Variants in ADAMTSL1 observed in about 807,000 individuals in gnomAD.
ADAMTSL1 encodes ADAMTS-like protein 1.
In ADAMTSL1, 126 loss-of-function variants were observed where a neutral mutation model predicts 201.8. That is an observed-to-expected ratio of 0.62 (90% confidence interval 0.54 to 0.72). The LOEUF (loss-of-function observed/expected upper bound fraction) is 0.72. Among genes scored for constraint, ADAMTSL1 ranks in the 30% least tolerant of loss-of-function variants. The pLI is 0.00. For missense variants in ADAMTSL1, 2,679 were observed against 2,277.8 expected, an observed-to-expected ratio of 1.18 and a Z score of -3.59; for synonymous variants, 1,121 against 903.4, an observed-to-expected ratio of 1.24 and a Z score of -4.32.
intron 1 of ADAMTSL1, among the ~76,000 whole-genome samples, chr9:18,041,584 A>G (rs1387418980): frequency 6.6e-6 from 1 of 152,178 alleles, no homozygotes; most frequent in Non-Finnish European, 1.5e-5. Flanking sequence ...GGTGGAGGAC[A>G]GAATCATCAT....
intron 7 of ADAMTSL1, among the ~76,000 whole-genome samples, chr9:18,650,203 G>A (rs905495815): frequency 6.6e-6 from 1 of 152,212 alleles, no homozygotes; most frequent in East Asian, 1.9e-4. Context: ...GCCATGTGCG[G>A]GATATAATCT....
At chr9:18,874,766 T>A (rs963982545) in intron 23 of ADAMTSL1, among the ~76,000 whole-genome samples, 1 of 152,200 alleles carries the variant, frequency 6.6e-6, no homozygotes, top group Non-Finnish European at 1.5e-5. Flanking sequence ...GGTATTAGGA[T>A]GATACTGGCT....
chr9:18,331,334 CTG>C (rs1175838495), intron 2 of ADAMTSL1, among the ~76,000 whole-genome samples: 1 of 152,264 alleles, frequency 6.6e-6, no homozygotes, highest in East Asian at 1.9e-4. Flanking sequence ...TTGTTTAAAA[CTG>C]TATTTTAAAA....
chr9:18,024,899 C>A (rs1259317787), intron 1 of ADAMTSL1, among the ~76,000 whole-genome samples: 1 of 152,094 alleles, frequency 6.6e-6, no homozygotes, highest in African/African-American at 2.4e-5. Context: ...TATAAGCATT[C>A]CCTTTTCTCC....
intron 2 of ADAMTSL1, among the ~76,000 whole-genome samples, chr9:18,311,183 A>G (rs545461221): frequency 6.2e-4 from 94 of 152,000 alleles, no homozygotes; most frequent in South Asian, 2.9e-3. Context: ...GGAGGGGAAC[A>G]TCACATACTG....
At chr9:18,451,710 G>A (rs1331628787) in intron 2 of ADAMTSL1, among the ~76,000 whole-genome samples, 1 of 152,202 alleles carries the variant, frequency 6.6e-6, no homozygotes, top group Non-Finnish European at 1.5e-5. Flanking sequence ...AAAGGATGGA[G>A]ACTGTCTTAG....
chr9:18,604,851 G>T (rs1019029694), intron 4 of ADAMTSL1, among the ~76,000 whole-genome samples: 5 of 152,090 alleles, frequency 3.3e-5, no homozygotes, highest in Non-Finnish European at 7.4e-5. Flanking sequence ...TTTCTGCAGG[G>T]CTGCACCATT....
intron 1 of ADAMTSL1, among the ~76,000 whole-genome samples, chr9:17,953,710 T>C (rs1053210810): frequency 1.2e-4 from 19 of 152,174 alleles, no homozygotes; most frequent in African/African-American, 4.3e-4. Context: ...AAAAAGGATA[T>C]GCTTGTATGT....
chr9:17,947,844 T>C (rs952763651), intron 1 of ADAMTSL1, among the ~76,000 whole-genome samples: 2 of 152,168 alleles, frequency 1.3e-5, no homozygotes, highest in African/African-American at 4.8e-5. Flanking sequence ...ACAACTATTC[T>C]ACCTGAACGA....
intron 1 of ADAMTSL1, among the ~76,000 whole-genome samples, chr9:18,491,430 CA>C (rs1320783392): frequency 6.6e-6 from 1 of 152,126 alleles, no homozygotes; most frequent in Non-Finnish European, 1.5e-5. Context: ...TTGCTGGAAA[CA>C]AAAAGGTAAC....
chr9:18,027,867 G>A (rs1276561128), intron 1 of ADAMTSL1, among the ~76,000 whole-genome samples: 1 of 152,020 alleles, frequency 6.6e-6, no homozygotes, highest in East Asian at 1.9e-4. Flanking sequence ...AGGTATAGAA[G>A]TATTTGTTTT....
chr9:18,357,084 G>T (rs1456490737), intron 2 of ADAMTSL1, among the ~76,000 whole-genome samples: 2 of 152,122 alleles, frequency 1.3e-5, no homozygotes, highest in Non-Finnish European at 2.9e-5. Flanking sequence ...ACACATATCA[G>T]CCATACTGGG....
At chr9:18,797,283 C>T (rs950061551) in intron 20 of ADAMTSL1, among the ~76,000 whole-genome samples, 1 of 152,208 alleles carries the variant, frequency 6.6e-6, no homozygotes, top group Non-Finnish European at 1.5e-5. Context: ...CCTCTAAAAA[C>T]AAAGGCTCAA....
chr9:17,934,097 C>G (rs111620676), intron 1 of ADAMTSL1, among the ~76,000 whole-genome samples: 14 of 152,238 alleles, frequency 9.2e-5, no homozygotes, highest in African/African-American at 3.4e-4. Flanking sequence ...CTGAATTTTA[C>G]ATGTTGTTTG....
At chr9:18,322,863 G>C (rs1834682096) in intron 2 of ADAMTSL1, among the ~76,000 whole-genome samples, 1 of 151,956 alleles carries the variant, frequency 6.6e-6, no homozygotes, top group Non-Finnish European at 1.5e-5. Context: ...AATGTTACAA[G>C]AAAAAATAAA....
intron 1 of ADAMTSL1, among the ~76,000 whole-genome samples, chr9:17,980,057 T>C (rs1818624647): frequency 6.6e-6 from 1 of 152,108 alleles, no homozygotes; most frequent in South Asian, 2.1e-4. Context: ...CACTCTCCTA[T>C]CCCATGCAGA....
At position 18,577,892 on chromosome 9, in the gene ADAMTSL1, AG is replaced by A. The variant is rs1822840685; in HGVS notation, c.474+3628del. Reference sequence around the variant, plus strand: ...TTTCACAATTGAAACGTTCATCACAAGGAAGTAGTAAGAACCCAGTTTCAGA... The same window carrying A: ...TTTCACAATTGAAACGTTCATCACAAGAAGTAGTAAGAACCCAGTTTCAGA... On this transcript the variant is annotated intron_variant, in intron 4 of 28. Coordinates refer to ENST00000380548, the MANE Select transcript of ADAMTSL1 (RefSeq NM_001040272.6). 2.0e-5 allele frequency among the ~76,000 whole-genome samples: 3 copies of A among 152,288 alleles called. 1 individual carries two copies. The South Asian group carries it at 6.2e-4, about 32-fold the overall frequency.
chr9:18,132,609 A>G (rs1205881090), intron 1 of ADAMTSL1, among the ~76,000 whole-genome samples: 1 of 152,172 alleles, frequency 6.6e-6, no homozygotes, highest in African/African-American at 2.4e-5. Flanking sequence ...TCCAGATTGT[A>G]TCACACTTCT....
chr9:18,072,637 T>A (rs7021852), intron 1 of ADAMTSL1, among the ~76,000 whole-genome samples: 99,805 of 152,148 alleles, frequency 0.66, 33,522 homozygotes, highest in African/African-American at 0.81. Context: ...GTTGATTATC[T>A]GCATATCTCT....
Sources: gnomAD v4.1 joint callset for allele counts (sites outside exome capture counted in the v4.1 genomes callset) on GRCh38, gnomAD v4.1.1 for gene constraint, MANE v1.5 for transcripts, NCBI Gene and HGNC (gene_info 2026-07-23, HGNC 2026-07-21) for gene names.